Variants in FRMD3 observed in about 807,000 individuals in gnomAD.
FRMD3 encodes FERM domain containing 3, also known as FERM domain-containing protein 3.
FRMD3 carries 33 observed loss-of-function variants against 70.2 expected under a neutral mutation model. The observed-to-expected ratio is 0.47, with a 90% CI of 0.36 to 0.63. The LOEUF is 0.63. Among genes scored for constraint, FRMD3 ranks in the 20% least tolerant of loss-of-function variants. FRMD3 has a pLI of 0.00. For synonymous variants in FRMD3, 279 were observed against 255.9 expected, an observed-to-expected ratio of 1.09 and a Z score of -0.86; for missense variants, 632 against 711.4, an observed-to-expected ratio of 0.89 and a Z score of 1.27.
intron 1 of FRMD3, among the ~76,000 whole-genome samples, chr9:83,480,867 G>A (rs559363961): frequency 2.9e-4 from 44 of 152,204 alleles, no homozygotes; most frequent in African/African-American, 9.9e-4. Context: ...GAGCATCCTC[G>A]GATTTTGTAT....
At chr9:83,362,594 T>C (rs148633690) in intron 3 of FRMD3, among the ~76,000 whole-genome samples, 3,346 of 152,332 alleles carry the variant, frequency 0.022, 49 homozygotes, top group Non-Finnish European at 0.032. Flanking sequence ...GAATAGGATC[T>C]TAACTACCTT....
chr9:83,351,716 G>GATAGATAGATAA (rs1260578467), intron 3 of FRMD3, among the ~76,000 whole-genome samples: 3 of 151,884 alleles, frequency 2.0e-5, no homozygotes, highest in African/African-American at 7.3e-5. Context: ...TAGATAGATA[G>GATAGATAGATAA]ATAGATAGAT....
At chr9:83,272,787 C>T (rs1001032440) in intron 13 of FRMD3, among the ~76,000 whole-genome samples, 9 of 151,110 alleles carry the variant, frequency 6.0e-5, no homozygotes, top group Non-Finnish European at 1.2e-4. Context: ...TGCCTCTGCC[C>T]CGCCGCCCCG....
At chr9:83,380,185 T>G (rs1470849840) in intron 2 of FRMD3, among the ~76,000 whole-genome samples, 1 of 152,220 alleles carries the variant, frequency 6.6e-6, no homozygotes, top group Non-Finnish European at 1.5e-5. Context: ...AAAGCCCCTG[T>G]GAAAGATCCC....
At chr9:83,414,501 T>A (rs959494234) in intron 1 of FRMD3, among the ~76,000 whole-genome samples, 1 of 152,180 alleles carries the variant, frequency 6.6e-6, no homozygotes, top group East Asian at 1.9e-4. Flanking sequence ...TAATTAAAAT[T>A]ATCATGTCTG....
intron 1 of FRMD3, among the ~76,000 whole-genome samples, chr9:83,529,264 T>C (rs1317198583): frequency 1.3e-5 from 2 of 152,166 alleles, no homozygotes; most frequent in East Asian, 1.9e-4. Flanking sequence ...CTGGGACAAC[T>C]GGATATCCAC....
At chr9:83,372,799 C>T (rs143888846) in intron 3 of FRMD3, 114 bp downstream of exon 3, 11 of 916,810 alleles carry the variant, frequency 1.2e-5, no homozygotes, top group African/African-American at 3.5e-5. Context: ...AGCCCCCACA[C>T]CCCCCAACAC....
chr9:83,351,620 G>A (rs2131190122), intron 3 of FRMD3, among the ~76,000 whole-genome samples: 1 of 152,056 alleles, frequency 6.6e-6, no homozygotes, highest in Middle Eastern at 3.4e-3. Flanking sequence ...TTTCTTTTAA[G>A]TTTGTTTAAA....
chr9:83,243,948 G>A (rs1219432245), downstream of FRMD3, among the ~76,000 whole-genome samples: 1 of 152,062 alleles, frequency 6.6e-6, no homozygotes, highest in African/African-American at 2.4e-5. Context: ...CCAACACGGA[G>A]GAACCCAACC....
intron 1 of FRMD3, among the ~76,000 whole-genome samples, chr9:83,491,273 G>A (rs1484787988): frequency 6.6e-6 from 1 of 152,192 alleles, no homozygotes; most frequent in Non-Finnish European, 1.5e-5. Flanking sequence ...GGGTGTGTAA[G>A]AAGGAAGGGT....
intron 1 of FRMD3, among the ~76,000 whole-genome samples, chr9:83,503,540 C>A (rs916029683): frequency 3.3e-5 from 5 of 152,218 alleles, no homozygotes; most frequent in Admixed American, 2.0e-4. Context: ...TCTGCTGACA[C>A]CTTGAGTACA....
intron 13 of FRMD3, among the ~76,000 whole-genome samples, chr9:83,248,827 A>G (rs1014047225): frequency 1.2e-4 from 18 of 152,178 alleles, no homozygotes; most frequent in African/African-American, 4.3e-4. Context: ...ATGACAATAA[A>G]TTCACTATTA....
intron 1 of FRMD3, among the ~76,000 whole-genome samples, chr9:83,445,509 C>T (rs1276868933): frequency 6.6e-6 from 1 of 152,200 alleles, no homozygotes; most frequent in Non-Finnish European, 1.5e-5. Context: ...AGCTGCATGA[C>T]AGCTCACATT....
At chr9:83,560,425 A>G in the FRMD3 span, among the ~76,000 whole-genome samples, 2 of 152,230 alleles carry the variant, frequency 1.3e-5, no homozygotes, top group Non-Finnish European at 2.9e-5. Flanking sequence ...ACAAATGTAC[A>G]TGGAGCCAAA....
chr9:83,275,634 C>G (rs1278955558), intron 13 of FRMD3, among the ~76,000 whole-genome samples: 1 of 152,200 alleles, frequency 6.6e-6, no homozygotes, highest in Admixed American at 6.5e-5. Flanking sequence ...ATGCAACAAG[C>G]CACCCATAGA....
intron 6 of FRMD3, among the ~76,000 whole-genome samples, chr9:83,318,260 T>A (rs1835660399): frequency 6.6e-6 from 1 of 152,160 alleles, no homozygotes; most frequent in Non-Finnish European, 1.5e-5. Flanking sequence ...CCATCCCATA[T>A]CTTGTACTTT....
intron 3 of FRMD3, 43 bp from the exon 4 acceptor site, chr9:83,349,800 A>G: frequency 6.8e-7 from 1 of 1,469,328 alleles, no homozygotes; most frequent in South Asian, 1.2e-5. Flanking sequence ...GCAGCAAAAG[A>G]CCATGGCCTC....
At chr9:83,540,056 G>C (rs1374345471), upstream of FRMD3, among the ~76,000 whole-genome samples, 1 of 152,144 alleles carries the variant, frequency 6.6e-6, no homozygotes, top group African/African-American at 2.4e-5. Context: ...TCATTTCAAA[G>C]GAGAGAACAC....
chr9:83,327,411 T>C (rs1836062680), intron 6 of FRMD3, among the ~76,000 whole-genome samples: 1 of 152,240 alleles, frequency 6.6e-6, no homozygotes, highest in Non-Finnish European at 1.5e-5. Flanking sequence ...GAGCTGTCTA[T>C]GCTTTATAGC....
Sources: allele counts gnomAD v4.1 joint callset (sites outside exome capture counted in the v4.1 genomes callset), GRCh38; gene constraint gnomAD v4.1.1; transcripts MANE v1.5; gene names NCBI Gene and HGNC (gene_info 2026-07-23, HGNC 2026-07-21).